CCDC122: variants seen among roughly 807,000 people sequenced by gnomAD.
CCDC122 encodes coiled-coil domain-containing protein 122.
Under a neutral mutation model 37.0 loss-of-function variants are expected in CCDC122, and 38 were observed. The ratio of observed to expected loss-of-function variants is 1.03; its 90% confidence interval spans 0.79 to 1.35. CCDC122 has a LOEUF of 1.35. Ranked by LOEUF, CCDC122 falls within the 40% of genes most tolerant of loss-of-function variation. The pLI is 0.00. For missense variants in CCDC122, 305 were observed against 310.0 expected (o/e 0.98, Z 0.12); for synonymous variants, 83 against 95.6 (o/e 0.87, Z 0.77).
At chr13:43,835,780 T>C (rs1245540075), downstream of CCDC122, among the ~76,000 whole-genome samples, 1 of 152,244 alleles carries the variant, frequency 6.6e-6, no homozygotes, top group Non-Finnish European at 1.5e-5. Flanking sequence ...CTTTTTAATA[T>C]GCAAGTTACA....
chr13:43,857,807 A>G (rs1953970032), intron 6 of CCDC122, among the ~76,000 whole-genome samples: 1 of 152,040 alleles, frequency 6.6e-6, no homozygotes, highest in African/African-American at 2.4e-5. Flanking sequence ...GGAGGCTGAG[A>G]TGGGAAAATC....
chr13:43,877,414 C>T (rs1326792494), intron 1 of CCDC122, among the ~76,000 whole-genome samples: 1 of 151,988 alleles, frequency 6.6e-6, no homozygotes, highest in African/African-American at 2.4e-5. Flanking sequence ...TAAAAAAAGC[C>T]TTTTTTAGAT....
chr13:43,857,665 G>A (rs1441588900), intron 6 of CCDC122, among the ~76,000 whole-genome samples: 1 of 152,098 alleles, frequency 6.6e-6, no homozygotes, highest in Admixed American at 6.5e-5. Flanking sequence ...CACTTTGGGA[G>A]GCCGAGGCAG....
intron 4 of CCDC122, among the ~76,000 whole-genome samples, chr13:43,865,557 A>G (rs1441946860): frequency 2.0e-5 from 3 of 152,162 alleles, no homozygotes; most frequent in African/African-American, 4.8e-5. Context: ...AATTATAACG[A>G]TATACTATAA....
intron 1 of CCDC122, among the ~76,000 whole-genome samples, chr13:43,876,984 G>A (rs1397405680): frequency 7.2e-5 from 11 of 152,122 alleles, no homozygotes; most frequent in Admixed American, 1.3e-4. Flanking sequence ...GGTGGTGCAC[G>A]CCTGTAATCC....
downstream of CCDC122, among the ~76,000 whole-genome samples, chr13:43,821,008 A>G (rs1952989105): frequency 6.6e-6 from 1 of 152,362 alleles, no homozygotes; most frequent in African/African-American, 2.4e-5. Flanking sequence ...ACCAAATTTT[A>G]TTCTCAAATG....
intron 6 of CCDC122, among the ~76,000 whole-genome samples, chr13:43,847,338 T>C: frequency 6.6e-6 from 1 of 152,290 alleles, no homozygotes; most frequent in South Asian, 2.1e-4. Flanking sequence ...AGAGTAATGA[T>C]AGAGAACAAC....
chr13:43,843,846 G>T (rs1017746027), intron 6 of CCDC122, among the ~76,000 whole-genome samples: 18 of 150,706 alleles, frequency 1.2e-4, no homozygotes, highest in African/African-American at 4.4e-4. Flanking sequence ...CAAGGAATTT[G>T]TCTGTTTGTC....
intron 4 of CCDC122, among the ~76,000 whole-genome samples, chr13:43,862,942 CTTTA>C (rs1035072582): frequency 6.6e-6 from 1 of 152,096 alleles, no homozygotes; most frequent in Non-Finnish European, 1.5e-5. Context: ...TCCCTCTCTT[CTTTA>C]ATCTCCTCTG....
intron 6 of CCDC122, among the ~76,000 whole-genome samples, chr13:43,839,442 AAAT>A (rs1953272287): frequency 6.6e-6 from 1 of 152,218 alleles, no homozygotes; most frequent in African/African-American, 2.4e-5. Flanking sequence ...TTGTATTGCC[AAAT>A]AATAGCACAT....
downstream of CCDC122, among the ~76,000 whole-genome samples, chr13:43,832,751 A>C (rs1953102025): frequency 1.3e-5 from 2 of 152,136 alleles, no homozygotes; most frequent in South Asian, 4.1e-4. Flanking sequence ...ATGTAGCTAA[A>C]ATGGGGCTTT....
At chr13:43,878,092 T>G (rs1954705009) in intron 1 of CCDC122, 2 of 127,952 alleles carry the variant, frequency 1.6e-5, no homozygotes, top group South Asian at 4.5e-4. Context: ...TGAAATATTT[T>G]CTTTTTCATT....
intron 6 of CCDC122, among the ~76,000 whole-genome samples, chr13:43,842,304 T>G (rs540938078): frequency 2.0e-5 from 3 of 152,276 alleles, no homozygotes; most frequent in Admixed American, 2.0e-4. Context: ...GATAAGACTT[T>G]CCTTTTTTTC....
chr13:43,830,251 C>CT (rs1011789200), intron 3 of CCDC122, among the ~76,000 whole-genome samples: 5 of 152,104 alleles, frequency 3.3e-5, no homozygotes, highest in Non-Finnish European at 5.9e-5. Context: ...GATTTCTTCC[C>CT]TTTGGCTGCT....
chr13:43,878,515 G>C (rs377530073), intron 1 of CCDC122, among the ~76,000 whole-genome samples: 41 of 152,254 alleles, frequency 2.7e-4, no homozygotes, highest in African/African-American at 8.2e-4. Context: ...AGCTATCTGA[G>C]ATTATGAGAC....
intron 6 of CCDC122, among the ~76,000 whole-genome samples, chr13:43,848,099 C>T (rs1401227973): frequency 5.3e-5 from 8 of 152,100 alleles, no homozygotes; most frequent in Non-Finnish European, 1.2e-4. Context: ...ATAGGACTGG[C>T]TTTCTAGTTG....
In CCDC122 at chr13:43,869,356, CCTTT is replaced by C. The variant is rs781584959; in HGVS notation, c.17_20del (p.Glu6GlyfsTer17). On this transcript the variant is annotated frameshift_variant, in exon 3 of 7. Coordinates refer to ENST00000444614, the MANE Select transcript of CCDC122 (RefSeq NM_144974.5). LOFTEE classifies it high-confidence loss of function. Reference sequence around the variant, plus strand: ...CTTCTTTAGGAAATCCTTGACTCTTCCTTTCTTTGTTGTCTGACATTTTCTGTGT... The same window carrying C: ...CTTCTTTAGGAAATCCTTGACTCTTCCTTTGTTGTCTGACATTTTCTGTGT... The C allele has an allele frequency of 4.4e-6, 7 of 1,608,286 alleles. No individual in the cohort carries two copies. Among genetic ancestry groups the C allele is most frequent in the Admixed American group, 3.4e-5 (2 of 59,534 alleles).
intron 3 of CCDC122, among the ~76,000 whole-genome samples, chr13:43,827,527 C>T (rs1953050720): frequency 6.6e-6 from 1 of 152,188 alleles, no homozygotes; most frequent in African/African-American, 2.4e-5. Context: ...AATCATGATA[C>T]AGATTTTTTG....
intron 3 of CCDC122, among the ~76,000 whole-genome samples, chr13:43,829,885 AT>A (rs1330805420): frequency 3.9e-5 from 6 of 151,934 alleles, no homozygotes; most frequent in African/African-American, 1.5e-4. Context: ...TTATTTATTA[AT>A]TTTTTTAAAG....
Sources: gnomAD v4.1 joint callset for allele counts (sites outside exome capture counted in the v4.1 genomes callset) on GRCh38, gnomAD v4.1.1 for gene constraint, MANE v1.5 for transcripts, NCBI Gene and HGNC (gene_info 2026-07-23, HGNC 2026-07-21) for gene names.